The following PIKFYVE variants were observed in gnomAD, a reference collection of about 807,000 sequenced individuals.
PIKFYVE encodes phosphoinositide kinase, FYVE-type zinc finger containing.
Under a neutral mutation model 257.9 loss-of-function variants are expected in PIKFYVE, and 122 were observed. The ratio of observed to expected loss-of-function variants is 0.47; its 90% CI spans 0.41 to 0.55. PIKFYVE has a LOEUF of 0.55. PIKFYVE is among the 20% of genes least tolerant of loss of function. The pLI is 0.00. For synonymous variants in PIKFYVE, 892 were observed against 868.9 expected, an observed-to-expected ratio of 1.03 and a Z score of -0.47; for missense variants, 2,160 against 2,536.6, an observed-to-expected ratio of 0.85 and a Z score of 3.19.
rs943181908 is a variant in PIKFYVE at position 208,304,909 on chromosome 2, C to T, written c.1532C>T (p.Ser511Leu). ...TTCCAGTCCACAGTGGACAGTGACT[C>T]AGCCGCTTCTATCAGCCTGAACGTG... The part of the protein sequence containing the change: ...SSFQSTVDSD[S>L]AASISLNVEL... The change falls in exon 12 of 42, where the codon TCA (serine) becomes TTA (leucine). Residue 511 changes from serine to leucine, a missense_variant. Coordinates refer to ENST00000264380, the MANE Select transcript of PIKFYVE (RefSeq NM_015040.4). 1.2e-6 allele frequency: 2 copies of T among 1,614,170 alleles called. No individual in the cohort carries two copies. Among genetic ancestry groups the T allele is most frequent in the Admixed American group, 1.7e-5 (1 of 60,020 alleles).
In PIKFYVE at chr2:208,325,746, T is replaced by C. The variant is rs773868882; in HGVS notation, c.2935T>C (p.Leu979=). The C allele has an allele frequency of 6.2e-7, 1 of 1,613,494 alleles. No homozygotes were observed. The highest frequency in any genetic ancestry group is 1.7e-5 in the Admixed American group (1 of 59,988). The change falls in exon 20 of 42, where the codon TTG becomes CTG. Residue 979 remains leucine (L), a synonymous_variant. Transcript: ENST00000264380. ...TTTCTTTGCACCTGTACCGGAATCA[T>C]TGTTGCCACTCCCTGTGGATGACCA... ...CAFFAPVPES[L]LPLPVDDQQD...
At chr2:208,280,321 G>T (rs889246176) in intron 5 of PIKFYVE, among the ~76,000 whole-genome samples, 1 of 152,136 alleles carries the variant, frequency 6.6e-6, no homozygotes, top group African/African-American at 2.4e-5. Context: ...CTAACTGTAT[G>T]TTCTAGAACT....
intron 17 of PIKFYVE, among the ~76,000 whole-genome samples, chr2:208,322,134 C>T (rs1696315261): frequency 6.6e-6 from 1 of 152,058 alleles, no homozygotes; most frequent in East Asian, 1.9e-4. Flanking sequence ...TGTGATTACA[C>T]TTTTGGAGCT....
intron 7 of PIKFYVE, among the ~76,000 whole-genome samples, chr2:208,297,883 C>T (rs1693180318): frequency 1.3e-5 from 2 of 149,950 alleles, no homozygotes; most frequent in Admixed American, 6.6e-5. Context: ...GGTAACTTTA[C>T]CAAGAGTCAA....
chr2:208,336,919 A>G lies in PIKFYVE; in HGVS notation c.4602A>G (p.Glu1534=). Residue 1534 remains glutamate, a synonymous_variant, in exon 28 of 42, where the codon GAA becomes GAG. Coordinates refer to ENST00000264380, the MANE Select transcript of PIKFYVE (RefSeq NM_015040.4). ...GTCCTGGAAGACTGAGACAAGGGGA[A>G]GAAAGCAAGGTATGAAATGTAGTCT... ...PPSPGRLRQG[E]ESKISAMDAS... The G allele has an allele frequency of 6.2e-7, 1 of 1,610,022 alleles. No homozygotes were observed. The highest frequency in any genetic ancestry group is 8.5e-7 in the Non-Finnish European group (1 of 1,176,756).
chr2:208,279,333 C>T (rs745773528), intron 5 of PIKFYVE, among the ~76,000 whole-genome samples: 35 of 152,074 alleles, frequency 2.3e-4, no homozygotes, highest in Admixed American at 4.6e-4. Flanking sequence ...CAAGTATTTT[C>T]TCCTATTCTG....
chr2:208,354,470 G>A (rs1244033587), intron 40 of PIKFYVE, 101 bp from the exon 41 acceptor site: 1 of 1,136,964 alleles, frequency 8.8e-7, no homozygotes, highest in African/African-American at 1.5e-5. Context: ...CTCAATAAAA[G>A]TTAACTGTCA....
At chr2:208,283,914 G>A (rs4675746) in intron 5 of PIKFYVE, among the ~76,000 whole-genome samples, 151,281 of 152,326 alleles carry the variant, frequency 0.99, 75,133 homozygotes, top group Middle Eastern at 1. Flanking sequence ...ACTGAGTACT[G>A]TGTAATAGTA....
intron 7 of PIKFYVE, among the ~76,000 whole-genome samples, chr2:208,289,950 T>A (rs1234443226): frequency 3.3e-5 from 5 of 152,204 alleles, no homozygotes; most frequent in Non-Finnish European, 2.9e-5. Context: ...ATCCTTTATA[T>A]ATTTTTATTA....
intron 18 of PIKFYVE, 123 bp from the exon 19 acceptor site, chr2:208,324,788 T>C: frequency 8.2e-7 from 1 of 1,220,114 alleles, no homozygotes. Context: ...ATTCATCATA[T>C]ATTTATTAAA....
Position 208,340,145 on chromosome 2 carries a change from A to G in PIKFYVE, c.4931+14A>G. On this transcript the variant is annotated intron_variant, in intron 31 of 41. Coordinates refer to ENST00000264380, the MANE Select transcript of PIKFYVE (RefSeq NM_015040.4). ...TCCATTTCCTTTGTAAGTATTATTA[A>G]AACCAGTGGCTCTTAGCAGGGGGGT... 1 of 1,613,788 alleles carries G rather than the reference A, an allele frequency of 6.2e-7. No individual in the cohort carries two copies. Among genetic ancestry groups the G allele is most frequent in the Non-Finnish European group, 8.5e-7 (1 of 1,179,724 alleles).
intron 29 of PIKFYVE, among the ~76,000 whole-genome samples, chr2:208,338,815 A>G (rs1340268415): frequency 2.0e-5 from 3 of 152,222 alleles, no homozygotes; most frequent in African/African-American, 7.2e-5. Flanking sequence ...AAAAACAGAA[A>G]AAAGTAAATT....
At chr2:208,299,109 G>T (rs1406896757) in intron 8 of PIKFYVE, among the ~76,000 whole-genome samples, 3 of 152,062 alleles carry the variant, frequency 2.0e-5, no homozygotes, top group African/African-American at 4.8e-5. Context: ...AGAGTGCTGG[G>T]ATTACAGGTG....
chr2:208,286,035 C>A, intron 6 of PIKFYVE, 102 bp downstream of exon 6: 1 of 1,175,410 alleles, frequency 8.5e-7, no homozygotes, highest in Admixed American at 2.0e-5. Context: ...AGAATTATTT[C>A]CTGTCAGTTC....
intron 22 of PIKFYVE, 93 bp from the exon 23 acceptor site, chr2:208,330,430 G>A: frequency 1.4e-6 from 2 of 1,440,860 alleles, no homozygotes; most frequent in Non-Finnish European, 1.9e-6. Context: ...TGAGTACCTT[G>A]TGCAGATTGT....
At chr2:208,279,069 G>A (rs904597628) in intron 5 of PIKFYVE, among the ~76,000 whole-genome samples, 1 of 152,036 alleles carries the variant, frequency 6.6e-6, no homozygotes, top group Non-Finnish European at 1.5e-5. Flanking sequence ...ACCAGCATTC[G>A]TTTTTTGGCT....
rs1700241674 is a variant in PIKFYVE, at chr2:208,357,765, T to C, written c.*2460T>C. 1 of 152,224 alleles carries C rather than the reference T, an allele frequency of 6.6e-6. No individual in the cohort carries two copies. The highest frequency in any genetic ancestry group is 6.5e-5 in the Admixed American group (1 of 15,288). 9.4% of individuals were successfully genotyped at this position (152,224 alleles called of 1,614,324 possible). On this transcript the variant is annotated 3_prime_UTR_variant, in exon 42 of 42. Coordinates refer to ENST00000264380, the MANE Select transcript of PIKFYVE (RefSeq NM_015040.4). ...GTTAAGTATTGAATGACTGTTTCCC[T>C]TTCCTTCAAGGCCTAGAGTATATTC...
Position 208,285,807 on chromosome 2 carries a change from A to G in PIKFYVE, c.695A>G (p.Asp232Gly). Residue 232 changes from aspartate (D) to glycine (G), a missense_variant, in exon 6 of 42, where the codon GAC becomes GGC. Asp to Gly is a moderately conservative substitution (Grantham distance 94). Coordinates refer to ENST00000264380, the MANE Select transcript of PIKFYVE (RefSeq NM_015040.4). ...ACAGACAGTAATTCTATTGGGGAAG[A>G]CTTGAATGCTCTTTCAGATTCTGCT... is the stretch of plus-strand genomic sequence containing the variant. ...HSTDSNSIGEDLNALSDSACS... is the reference protein window; with the variant it reads ...HSTDSNSIGEGLNALSDSACS... 1 of 1,614,014 alleles carries G rather than the reference A, an allele frequency of 6.2e-7. No individual in the cohort carries two copies. The highest frequency in any genetic ancestry group is 1.1e-5 in the South Asian group (1 of 91,082).
At position 208,288,793 on chromosome 2, in the gene PIKFYVE, G is replaced by A; in HGVS notation, c.886G>A (p.Ala296Thr). 1.2e-6 allele frequency: 2 copies of A among 1,614,084 alleles called. No homozygotes were observed. Among genetic ancestry groups the A allele is most frequent in the Non-Finnish European group, 1.7e-6 (2 of 1,179,982 alleles). The change falls in exon 7 of 42, where the codon GCT becomes ACT. Residue 296 changes from alanine (A) to threonine (T), a missense_variant. This residue lies in a region of PIKFYVE where 187 missense variants were observed against 185.6 expected (regional missense o/e 1.01). Coordinates refer to ENST00000264380, the MANE Select transcript of PIKFYVE (RefSeq NM_015040.4). Reference sequence around the variant, plus strand: ...AAGACTTGTATCTGTGCAAGAGGATGCTGGGAAATCTCCTGCTCGAAATAG... The same window carrying A: ...AAGACTTGTATCTGTGCAAGAGGATACTGGGAAATCTCCTGCTCGAAATAG... ...STRLVSVQED[A>T]GKSPARNRSA...
Sources: allele counts gnomAD v4.1 joint callset (sites outside exome capture counted in the v4.1 genomes callset), GRCh38; gene constraint gnomAD v4.1.1; regional missense constraint gnomAD v4.1.1; transcripts MANE v1.5; gene names NCBI Gene and HGNC (gene_info 2026-07-23, HGNC 2026-07-21).